The following ABCA10 variants were observed in gnomAD, a reference collection of about 807,000 sequenced individuals.
ABCA10 encodes ATP-binding cassette sub-family A member 10.
ABCA10 carries 169 observed loss-of-function variants against 187.5 expected under a neutral mutation model. The ratio of observed to expected loss-of-function variants is 0.90; its 90% confidence interval spans 0.80 to 1.02. The LOEUF is 1.02. ABCA10 is among the 50% of genes least tolerant of loss of function. ABCA10 has a pLI of 0.00. For synonymous variants in ABCA10, 574 were observed against 601.8 expected (o/e 0.95, Z 0.68); for missense variants, 1,727 against 1,812.4 (o/e 0.95, Z 0.86).
chr17:69,154,102 ATTTT>A, intron 31 of ABCA10, 93 bp from the exon 32 acceptor site: 1 of 1,503,832 alleles, frequency 6.6e-7, no homozygotes, highest in African/African-American at 1.4e-5. Context: ...AAGCTACAAT[ATTTT>A]TTGAATACGC....
At chr17:69,198,463 C>G (rs1044837003) in intron 10 of ABCA10, among the ~76,000 whole-genome samples, 1 of 152,146 alleles carries the variant, frequency 6.6e-6, no homozygotes, top group Non-Finnish European at 1.5e-5. Flanking sequence ...CAAGCATATA[C>G]GCAGGCTCGA....
At chr17:69,218,718 A>C (rs1017923847) in intron 6 of ABCA10, among the ~76,000 whole-genome samples, 1 of 152,190 alleles carries the variant, frequency 6.6e-6, no homozygotes, top group African/African-American at 2.4e-5. Flanking sequence ...CCATGCACTA[A>C]CAAACACCGA....
upstream of ABCA10, chr17:69,233,700 T>C (rs913225739): frequency 6.6e-6 from 1 of 152,262 alleles, no homozygotes; most frequent in Non-Finnish European, 1.5e-5. Context: ...TTTATATCCA[T>C]TCTTCTTCAG....
rs2074732013 is a variant in ABCA10, at chr17:69,219,708, G to A, written c.367C>T (p.Pro123Ser). Residue 123 changes from proline (P) to serine (S), a missense_variant, in exon 6 of 39, where the codon CCA (proline) becomes TCA (serine). Pro to Ser is a moderately conservative substitution (Grantham distance 74). Coordinates refer to ENST00000690296, the MANE Select transcript of ABCA10 (RefSeq NM_001377321.1). ...TSVIGINMKI[P>S]PFISKGEIMN... ...ATTTCTCCCTTAGAAATGAAAGGTGGTATCTTCATATTTATTCCAATAACT... is the reference window on the plus strand; with the variant it reads ...ATTTCTCCCTTAGAAATGAAAGGTGATATCTTCATATTTATTCCAATAACT... 6.2e-7 allele frequency: 1 copy of A among 1,611,088 alleles called. No homozygotes were observed. The highest frequency in any genetic ancestry group is 1.1e-5 in the South Asian group (1 of 90,024).
chr17:69,164,888 G>A, intron 26 of ABCA10, 76 bp downstream of exon 26: 2 of 1,487,946 alleles, frequency 1.3e-6, no homozygotes, highest in Non-Finnish European at 1.8e-6. Context: ...AAATGCACCT[G>A]TTCCGACAAT....
chr17:69,165,783 C>T (rs1368484617), intron 25 of ABCA10, among the ~76,000 whole-genome samples: 1 of 151,626 alleles, frequency 6.6e-6, no homozygotes, highest in Non-Finnish European at 1.5e-5. Flanking sequence ...AGATTTGTGA[C>T]AATTTGAAAA....
intron 22 of ABCA10, among the ~76,000 whole-genome samples, chr17:69,181,652 T>C (rs1223840571): frequency 6.6e-6 from 1 of 151,970 alleles, no homozygotes; most frequent in Non-Finnish European, 1.5e-5. Flanking sequence ...ATAAAACTTT[T>C]GAATTTTAAA....
At chr17:69,170,051 G>A (rs1026194908) in intron 25 of ABCA10, among the ~76,000 whole-genome samples, 27 of 152,192 alleles carry the variant, frequency 1.8e-4, no homozygotes, top group African/African-American at 6.3e-4. Context: ...ACTTTGGGAG[G>A]CCAAGGTAGG....
At chr17:69,240,061 C>T (rs1258491140) in intron 1 of ABCA10, among the ~76,000 whole-genome samples, 1 of 152,184 alleles carries the variant, frequency 6.6e-6, no homozygotes, top group East Asian at 1.9e-4. Context: ...CTTGCCAGGA[C>T]ATTAAAAATC....
chr17:69,241,510 T>C (rs1278602318), intron 1 of ABCA10, among the ~76,000 whole-genome samples: 1 of 152,224 alleles, frequency 6.6e-6, no homozygotes, highest in African/African-American at 2.4e-5. Context: ...AAAATGTCCA[T>C]AAGGGCCCTT....
At position 69,148,435 on chromosome 17, in the gene ABCA10, C is replaced by T. The variant is rs2233768; in HGVS notation, c.*392G>A. The stretch of plus-strand genomic sequence containing the variant: ...GTCAATGTCACATTAAATTAGAATC[C>T]GAGTAAATAATGTTTAAAAATAGCT... On this transcript the variant is annotated 3_prime_UTR_variant, in exon 39 of 39. Coordinates refer to ENST00000690296, the MANE Select transcript of ABCA10 (RefSeq NM_001377321.1). 0.072 allele frequency: 11,635 copies of T among 162,032 alleles called. 553 individuals are homozygous for T. The highest frequency in any genetic ancestry group is 0.15 in the Admixed American group (2,461 of 16,318). The allele number at this position is 162,032 out of a possible 1,614,324, so 10.0% of individuals were successfully genotyped here. A position where few individuals can be genotyped will look rare whatever the true frequency, so the allele number is the denominator to read the frequency against.
In ABCA10 at chr17:69,156,083, C is replaced by T. The variant is rs1010518178; in HGVS notation, c.3456-158G>A. On this transcript the variant is annotated intron_variant, in intron 28 of 38. Transcript: ENST00000690296. ...TTCTTCTTGGCAGTAATAACACCTC[C>T]GGTAGCCAAGTCCCTTGAAATATTC... 5.3e-5 allele frequency among the ~76,000 whole-genome samples: 8 copies of T among 152,278 alleles called. No individual in the cohort carries two copies. In the South Asian group the frequency reaches 6.2e-4, roughly 12 times the overall value.
chr17:69,208,733 A>G (rs2074612300), intron 9 of ABCA10, among the ~76,000 whole-genome samples: 1 of 152,194 alleles, frequency 6.6e-6, no homozygotes, highest in Admixed American at 6.5e-5. Context: ...AATTAGTTGA[A>G]GGACACTTTT....
intron 10 of ABCA10, among the ~76,000 whole-genome samples, chr17:69,198,322 G>A (rs369415174): frequency 6.6e-5 from 10 of 152,076 alleles, no homozygotes; most frequent in African/African-American, 2.4e-4. Context: ...CTTCTGCAAT[G>A]CGGAGGACAT....
In ABCA10 at chr17:69,197,065, T is replaced by G. The variant is rs764319900; in HGVS notation, c.1233A>C (p.Gln411His). The G allele has an allele frequency of 1.9e-6, 3 of 1,580,078 alleles. No homozygotes were observed. ...GGGAGAGGGAGTTTTTCTTTTTACC[T>G]TGCAATGCTTCTACTTTTCCAGTCT... The part of the protein sequence containing the change: ...NGKTGKVEAL[Q>H]GIFFDIYEGQ... Residue 411 changes from glutamine to histidine, a missense_variant and splice_region_variant, in exon 11 of 39, where the codon CAA becomes CAC. Gln to His is a conservative substitution (Grantham distance 24). Transcript: ENST00000690296.
rs369792865 is a variant in ABCA10 at position 69,182,189 on chromosome 17, C to T, written c.2733G>A (p.Thr911=). The T allele has an allele frequency of 8.2e-6, 13 of 1,590,258 alleles. No individual in the cohort carries two copies. The highest frequency in any genetic ancestry group is 5.4e-5 in the African/African-American group (4 of 73,592). ...AAGTGCTCTCCATTTGAATAAGCTC[C>T]GTGAAGTTAAAAATTCCCATAAGGG... The part of the protein sequence containing the change: ...SNALMGIFNF[T]ELIQMESTSF... The change falls in exon 22 of 39, where the codon ACG becomes ACA. Residue 911 remains threonine, a synonymous_variant. Coordinates refer to ENST00000690296, the MANE Select transcript of ABCA10 (RefSeq NM_001377321.1).
At chr17:69,200,148 TCTAA>T (rs1403668499) in intron 10 of ABCA10, among the ~76,000 whole-genome samples, 1 of 152,210 alleles carries the variant, frequency 6.6e-6, no homozygotes, top group Admixed American at 6.5e-5. Context: ...CTGAGATAGG[TCTAA>T]CTGATTTAGT....
chr17:69,211,339 AT>A (rs1568070341), intron 9 of ABCA10, among the ~76,000 whole-genome samples: 1 of 121,914 alleles, frequency 8.2e-6, no homozygotes, highest in African/African-American at 3.3e-5. Context: ...ATATATATAT[AT>A]ATATATATAT....
chr17:69,182,217 T>C lies in ABCA10; in HGVS notation c.2705A>G (p.Asn902Ser). 2 of 1,602,334 alleles carry C rather than the reference T, an allele frequency of 1.2e-6. No individual in the cohort carries two copies. Among genetic ancestry groups the C allele is most frequent in the East Asian group, 2.3e-5 (1 of 44,042 alleles). ...CFPVLMGIVS[N>S]ALMGIFNFTE... ...GAAGTTAAAAATTCCCATAAGGGCA[T>C]TGCTAACAATTCCCATAAGAACAGG... Residue 902 changes from asparagine (N) to serine (S), a missense_variant, in exon 22 of 39, where the codon AAT becomes AGT. By Grantham distance (46) the Asn-to-Ser change is conservative. Transcript: ENST00000690296.
Sources: allele counts gnomAD v4.1 joint callset (sites outside exome capture counted in the v4.1 genomes callset), GRCh38; gene constraint gnomAD v4.1.1; transcripts MANE v1.5; gene names NCBI Gene and HGNC (gene_info 2026-07-23, HGNC 2026-07-21).